NKAIN2: variants seen among roughly 807,000 people sequenced by gnomAD.
NKAIN2 encodes the protein sodium/potassium-transporting ATPase subunit beta-1-interacting protein 2.
NKAIN2 carries 14 observed loss-of-function variants against 32.6 expected under a neutral mutation model. The observed-to-expected ratio is 0.43, with a 90% confidence interval of 0.28 to 0.67. The LOEUF is 0.67. Ranked by LOEUF, NKAIN2 falls within the 30% of genes least tolerant of loss-of-function variation. NKAIN2 has a pLI of 0.17. For missense variants in NKAIN2, 198 were observed against 258.3 expected (o/e 0.77, Z 1.60); for synonymous variants, 80 against 87.2 (o/e 0.92, Z 0.46).
At chr6:123,906,869 A>G (rs1023059754) in intron 1 of NKAIN2, among the ~76,000 whole-genome samples, 2 of 152,220 alleles carry the variant, frequency 1.3e-5, no homozygotes, top group African/African-American at 4.8e-5. Flanking sequence ...AGGTTAAATA[A>G]GCATTCTAGT....
chr6:123,960,227 G>A (rs925010993), intron 1 of NKAIN2, among the ~76,000 whole-genome samples: 1 of 152,174 alleles, frequency 6.6e-6, no homozygotes, highest in African/African-American at 2.4e-5. Flanking sequence ...ACACGTGTAA[G>A]CTGTGATTGG....
At chr6:124,701,435 T>C (rs1415768) in intron 4 of NKAIN2, among the ~76,000 whole-genome samples, 9,927 of 152,088 alleles carry the variant, frequency 0.065, 387 homozygotes, top group African/African-American at 0.11. Context: ...ATTAAGTATG[T>C]ATTTTTGCGA....
rs972505000 is a variant in NKAIN2, at chr6:124,416,299, T to C, written c.273+60952T>C. On this transcript the variant is annotated intron_variant, in intron 3 of 6. Coordinates refer to ENST00000368417, the MANE Select transcript of NKAIN2 (RefSeq NM_001040214.3). ...ACAAAGAGAAATCTCCTCACCTAAG[T>C]TATATGTGCATTTTTCTGGCATAAA... Among the ~76,000 whole-genome samples the C allele has an allele frequency of 2.0e-5, 3 of 152,264 alleles. No individual in the cohort carries two copies. The South Asian group carries it at 6.2e-4, about 32-fold the overall frequency.
chr6:124,808,780 C>G (rs1780725726), intron 5 of NKAIN2, among the ~76,000 whole-genome samples: 1 of 152,204 alleles, frequency 6.6e-6, no homozygotes, highest in Non-Finnish European at 1.5e-5. Flanking sequence ...GCAACTTCAG[C>G]AAAGTCTCAG....
chr6:124,064,520 G>C (rs1783070691), intron 1 of NKAIN2, among the ~76,000 whole-genome samples: 1 of 151,538 alleles, frequency 6.6e-6, no homozygotes, highest in African/African-American at 2.4e-5. Flanking sequence ...CCATTTTTGA[G>C]GGTGAGATTA....
chr6:124,645,250 A>G (rs922174794), intron 3 of NKAIN2, among the ~76,000 whole-genome samples: 2 of 152,116 alleles, frequency 1.3e-5, no homozygotes, highest in Non-Finnish European at 2.9e-5. Flanking sequence ...TAACAACAGG[A>G]TTTGGAAGTG....
At chr6:124,203,943 G>C (rs1790723614) in intron 1 of NKAIN2, among the ~76,000 whole-genome samples, 1 of 151,858 alleles carries the variant, frequency 6.6e-6, no homozygotes, top group African/African-American at 2.4e-5. Flanking sequence ...CAGAAGGATT[G>C]CTTCACCTCT....
At chr6:124,033,508 T>C (rs1458071714) in intron 1 of NKAIN2, among the ~76,000 whole-genome samples, 1 of 152,122 alleles carries the variant, frequency 6.6e-6, no homozygotes. Context: ...ATAAATGTAC[T>C]TTCTAAGTAG....
At position 124,149,199 on chromosome 6, in the gene NKAIN2, T is replaced by A. The variant is rs79308904; in HGVS notation, c.55-133806T>A. Reference sequence around the variant, plus strand: ...AATTGTAAGGGTGTTTTATATATTCTGAATATAAAGCCTTTGGCAGATAGG... The same window carrying A: ...AATTGTAAGGGTGTTTTATATATTCAGAATATAAAGCCTTTGGCAGATAGG... On this transcript the variant is annotated intron_variant, in intron 1 of 6. Transcript: ENST00000368417. Among the ~76,000 whole-genome samples, 1,259 of 152,338 alleles carry A rather than the reference T, an allele frequency of 8.3e-3. 15 individuals carry two copies. The highest frequency in any genetic ancestry group is 0.042 in the South Asian group (202 of 4,828).
rs139259145 is a variant in NKAIN2, at chr6:124,583,549, C to T, written c.274-74637C>T. Among the ~76,000 whole-genome samples, 439 of 152,160 alleles carry T rather than the reference C, an allele frequency of 2.9e-3. 2 individuals carry two copies. The highest frequency in any genetic ancestry group is 3.4e-3 in the Middle Eastern group (1 of 294). On this transcript the variant is annotated intron_variant, in intron 3 of 6. Transcript: ENST00000368417. ...TATTAATTATCTATACTACATAAAG[C>T]GATCTAGAGTTTCAATGTGATCCCT...
At chr6:124,191,345 T>C (rs1316867125) in intron 1 of NKAIN2, among the ~76,000 whole-genome samples, 1 of 152,102 alleles carries the variant, frequency 6.6e-6, no homozygotes, top group Non-Finnish European at 1.5e-5. Context: ...TGTTTTTGAA[T>C]GTATTCATAA....
chr6:124,506,073 C>T (rs1039483691), intron 3 of NKAIN2, among the ~76,000 whole-genome samples: 7 of 151,792 alleles, frequency 4.6e-5, no homozygotes, highest in African/African-American at 9.7e-5. Flanking sequence ...CCCAGCTACT[C>T]GGGATGCTGA....
At chr6:124,320,121 G>T (rs971884653) in intron 2 of NKAIN2, among the ~76,000 whole-genome samples, 11 of 152,104 alleles carry the variant, frequency 7.2e-5, no homozygotes, top group Non-Finnish European at 1.5e-4. Context: ...TATGTGGAAG[G>T]CTACTGCTCT....
At chr6:124,589,997 G>A (rs1453722459) in intron 3 of NKAIN2, among the ~76,000 whole-genome samples, 2 of 152,042 alleles carry the variant, frequency 1.3e-5, no homozygotes, top group East Asian at 1.9e-4. Flanking sequence ...TTGCTGTTGG[G>A]TCCTCTCCTC....
intron 1 of NKAIN2, among the ~76,000 whole-genome samples, chr6:124,229,901 A>C (rs547066211): frequency 6.6e-6 from 1 of 152,292 alleles, no homozygotes; most frequent in East Asian, 1.9e-4. Context: ...AAAATGGACT[A>C]ATAAAGTAAA....
chr6:124,795,222 G>T (rs1360523062), intron 5 of NKAIN2, among the ~76,000 whole-genome samples: 1 of 152,166 alleles, frequency 6.6e-6, no homozygotes, highest in African/African-American at 2.4e-5. Context: ...TGGCTGTGGA[G>T]ATAAGGGCCC....
intron 4 of NKAIN2, among the ~76,000 whole-genome samples, chr6:124,716,727 T>C (rs372143293): frequency 6.6e-6 from 1 of 152,252 alleles, no homozygotes; most frequent in Admixed American, 6.5e-5. Flanking sequence ...TTAACCCCCA[T>C]AGCTTTCTTT....
chr6:124,674,850 T>C (rs549225610), intron 4 of NKAIN2, among the ~76,000 whole-genome samples: 42 of 152,180 alleles, frequency 2.8e-4, no homozygotes, highest in African/African-American at 9.4e-4. Context: ...TTTATTTCTT[T>C]CTCTTGCCTA....
chr6:124,480,312 G>GA (rs1465891106), intron 3 of NKAIN2, among the ~76,000 whole-genome samples: 2 of 152,108 alleles, frequency 1.3e-5, no homozygotes, highest in African/African-American at 4.8e-5. Flanking sequence ...AGCTCTCAGT[G>GA]AAAAAACTCT....
Sources: allele counts gnomAD v4.1 joint callset (sites outside exome capture counted in the v4.1 genomes callset), GRCh38; gene constraint gnomAD v4.1.1; transcripts MANE v1.5; gene names NCBI Gene and HGNC (gene_info 2026-07-23, HGNC 2026-07-21).